The following DOCK1 variants were observed in gnomAD, a reference collection of about 807,000 sequenced individuals.
DOCK1 encodes dedicator of cytokinesis protein 1.
In DOCK1, 138 loss-of-function variants were observed where a neutral mutation model predicts 262.7. The observed-to-expected ratio is 0.53, with a 90% confidence interval of 0.46 to 0.61. The LOEUF (loss-of-function observed/expected upper bound fraction) is 0.61. DOCK1 is among the 20% of genes least tolerant of loss of function. The pLI, the probability that DOCK1 is intolerant of heterozygous loss-of-function variation, is 0.00. For missense variants in DOCK1, 1,908 were observed against 2,370.7 expected, an observed-to-expected ratio of 0.80 and a Z score of 4.05; for synonymous variants, 866 against 867.4, an observed-to-expected ratio of 1.00 and a Z score of 0.03.
chr10:127,314,936 A>G (rs2062209800), intron 29 of DOCK1, among the ~76,000 whole-genome samples: 1 of 152,222 alleles, frequency 6.6e-6, no homozygotes, highest in Non-Finnish European at 1.5e-5. Context: ...ACATGGGCAG[A>G]CAGATATCTA....
chr10:127,313,218 A>G (rs1248818598), intron 29 of DOCK1, among the ~76,000 whole-genome samples: 1 of 151,808 alleles, frequency 6.6e-6, no homozygotes, highest in African/African-American at 2.4e-5. Context: ...CACCATGGGC[A>G]CCCCTCACCT....
chr10:126,958,009 C>T (rs1227688222), intron 1 of DOCK1, among the ~76,000 whole-genome samples: 5 of 152,102 alleles, frequency 3.3e-5, no homozygotes, highest in African/African-American at 4.8e-5. Context: ...AAGCATTGAC[C>T]GTTATTTATG....
intron 28 of DOCK1, among the ~76,000 whole-genome samples, chr10:127,250,080 G>A (rs2059573768): frequency 6.6e-6 from 1 of 152,156 alleles, no homozygotes; most frequent in Non-Finnish European, 1.5e-5. Flanking sequence ...TCAGTGTAAA[G>A]CATAGTTGTA....
At chr10:127,343,586 T>A (rs757834000) in intron 30 of DOCK1, 60 bp from the exon 31 acceptor site, 5 of 1,308,056 alleles carry the variant, frequency 3.8e-6, no homozygotes, top group Non-Finnish European at 4.3e-6. Flanking sequence ...CTGAGAGCAT[T>A]GTTGAGATCC....
chr10:127,043,484 C>T (rs554934380), intron 21 of DOCK1, among the ~76,000 whole-genome samples: 10 of 152,358 alleles, frequency 6.6e-5, no homozygotes, highest in African/African-American at 2.2e-4. Flanking sequence ...GGCTTCCTCG[C>T]GAGCCTTTGA....
chr10:127,289,452 A>C (rs563564034), intron 29 of DOCK1, among the ~76,000 whole-genome samples: 148 of 152,274 alleles, frequency 9.7e-4, no homozygotes, highest in African/African-American at 3.4e-3. Flanking sequence ...TGGTTTTGCC[A>C]GTGTGTCTTC....
intron 27 of DOCK1, chr10:127,145,918 G>A: frequency 2.0e-6 from 1 of 491,778 alleles, no homozygotes; most frequent in Middle Eastern, 3.3e-4. Context: ...GTGCATTCCT[G>A]CAGGAGGTCC....
At chr10:126,923,418 G>T (rs188717743) in intron 1 of DOCK1, among the ~76,000 whole-genome samples, 1 of 152,116 alleles carries the variant, frequency 6.6e-6, no homozygotes, top group Non-Finnish European at 1.5e-5. Context: ...GAGGTGAGGA[G>T]TTTGAGACCA....
At chr10:127,439,350 A>T (rs1468206832) in intron 49 of DOCK1, 125 bp downstream of exon 49, 2 of 1,006,148 alleles carry the variant, frequency 2.0e-6, no homozygotes, top group South Asian at 3.4e-5. Flanking sequence ...CAACTCAGAA[A>T]CCTGGGGTCC....
intron 27 of DOCK1, among the ~76,000 whole-genome samples, chr10:127,235,855 G>C (rs373446501): frequency 3.3e-5 from 5 of 151,718 alleles, no homozygotes; most frequent in Non-Finnish European, 7.4e-5. Context: ...TTTAACTTGC[G>C]TGTTCCTATT....
intron 30 of DOCK1, 122 bp downstream of exon 30, chr10:127,339,206 G>A (rs1483261736): frequency 1.7e-5 from 14 of 845,266 alleles, no homozygotes; most frequent in South Asian, 1.1e-4. Context: ...TCCAAGATGC[G>A]GAAACGGAAT....
At chr10:127,351,324 G>T (rs1284486825) in intron 31 of DOCK1, among the ~76,000 whole-genome samples, 2 of 152,164 alleles carry the variant, frequency 1.3e-5, no homozygotes, top group East Asian at 1.9e-4. Flanking sequence ...GTGGAGTCGG[G>T]CATGTGTGTT....
chr10:127,283,370 G>T (rs1231998263), intron 29 of DOCK1, among the ~76,000 whole-genome samples: 2 of 152,220 alleles, frequency 1.3e-5, no homozygotes, highest in Non-Finnish European at 2.9e-5. Context: ...GCCCACCTTT[G>T]TAGTCTTGTC....
chr10:127,316,528 AAAAAC>A (rs1402244696), intron 29 of DOCK1, among the ~76,000 whole-genome samples: 2 of 152,214 alleles, frequency 1.3e-5, no homozygotes, highest in Non-Finnish European at 2.9e-5. Context: ...ATCGACTACT[AAAAAC>A]AAAAGGCTTT....
At chr10:127,361,113 T>C (rs999011097) in intron 32 of DOCK1, among the ~76,000 whole-genome samples, 4 of 139,174 alleles carry the variant, frequency 2.9e-5, no homozygotes, top group Non-Finnish European at 6.2e-5. Flanking sequence ...GTTCTTTTTT[T>C]TTTTTTTTTT....
rs751046805 is a variant in DOCK1 at position 127,444,189 on chromosome 10, C to T, written c.5323C>T (p.Arg1775Cys). Residue 1775 changes from arginine (R) to cysteine (C), a missense_variant, in exon 50 of 52, where the codon CGC becomes TGC. Around this residue, in one of 9 missense-constraint regions of DOCK1, gnomAD observed 383 missense variants for 420.1 expected, o/e 0.91. Transcript: ENST00000623213. ...GATGAACGTCATTGGAAGCGAAAGG[C>T]GCTTCTCGGTGTCCCCCTCGTCACC... is the stretch of plus-strand genomic sequence containing the variant. ...QVMNVIGSER[R>C]FSVSPSSPSS... 9.3e-6 allele frequency: 15 copies of T among 1,604,908 alleles called. No homozygotes were observed. Among genetic ancestry groups the T allele is most frequent in the East Asian group, 6.8e-5 (3 of 44,218 alleles).
intron 29 of DOCK1, among the ~76,000 whole-genome samples, chr10:127,285,039 G>A (rs1246048477): frequency 2.0e-5 from 3 of 151,954 alleles, no homozygotes; most frequent in African/African-American, 7.2e-5. Flanking sequence ...TCTGGAGGGT[G>A]AGGCAGGAGG....
At chr10:127,261,770 T>TGG (rs1399193273) in intron 29 of DOCK1, among the ~76,000 whole-genome samples, 2 of 133,424 alleles carry the variant, frequency 1.5e-5, no homozygotes, top group Non-Finnish European at 3.2e-5. Flanking sequence ...TGCATGTGGG[T>TGG]GTGTGTGTGT....
chr10:126,968,495 C>A (rs1185700871), intron 1 of DOCK1, among the ~76,000 whole-genome samples: 1 of 152,094 alleles, frequency 6.6e-6, no homozygotes, highest in East Asian at 1.9e-4. Flanking sequence ...AGATTTCAAT[C>A]ACTGCTTTCC....
Sources: allele counts gnomAD v4.1 joint callset (sites outside exome capture counted in the v4.1 genomes callset), GRCh38; gene constraint gnomAD v4.1.1; regional missense constraint gnomAD v4.1.1; transcripts MANE v1.5; gene names NCBI Gene and HGNC (gene_info 2026-07-23, HGNC 2026-07-21).